The following SLCO1B1 variants were observed in gnomAD, a reference collection of about 807,000 sequenced individuals.
The protein encoded by SLCO1B1 is OATP-2.
In SLCO1B1, 81 loss-of-function variants were observed where a neutral mutation model predicts 70.1. The observed-to-expected ratio is 1.16, with a 90% confidence interval of 0.97 to 1.39. The LOEUF (loss-of-function observed/expected upper bound fraction) is 1.39. Among genes scored for constraint, SLCO1B1 ranks in the 40% most tolerant of loss-of-function variants. The pLI is 0.00. For synonymous variants in SLCO1B1, 283 were observed against 271.5 expected (o/e 1.04, Z -0.42); for missense variants, 895 against 799.6 (o/e 1.12, Z -1.44).
chr12:21,208,626 G>T (rs2086271), intron 11 of SLCO1B1, among the ~76,000 whole-genome samples: 149,649 of 152,222 alleles, frequency 0.98, 73,613 homozygotes, highest in East Asian at 1. Context: ...TTTTTCCTAT[G>T]GAATTTTACA....
At chr12:21,226,735 T>C (rs1297884124) in intron 14 of SLCO1B1, among the ~76,000 whole-genome samples, 1 of 149,208 alleles carries the variant, frequency 6.7e-6, no homozygotes, top group Non-Finnish European at 1.5e-5. Context: ...TAATAATGCA[T>C]TCATATTGGT....
chr12:21,147,071 C>A (rs1940396604), intron 2 of SLCO1B1, among the ~76,000 whole-genome samples: 2 of 152,164 alleles, frequency 1.3e-5, no homozygotes, highest in Non-Finnish European at 2.9e-5. Context: ...TTTCTACTGG[C>A]TTTTACTTCA....
chr12:21,140,012 T>A (rs1940284886), intron 1 of SLCO1B1, among the ~76,000 whole-genome samples: 2 of 152,106 alleles, frequency 1.3e-5, no homozygotes, highest in African/African-American at 4.8e-5. Flanking sequence ...TCAATGTTAA[T>A]GAATCAATAG....
chr12:21,192,143 GTTCTC>G (rs1200904450), intron 7 of SLCO1B1, among the ~76,000 whole-genome samples: 3 of 151,896 alleles, frequency 2.0e-5, no homozygotes, highest in Non-Finnish European at 4.4e-5. Context: ...GTTTGAAGAT[GTTCTC>G]TTCTCTTCAA....
chr12:21,205,800 C>A, intron 10 of SLCO1B1, 68 bp from the exon 11 acceptor site: 3 of 1,163,292 alleles, frequency 2.6e-6, no homozygotes, highest in Non-Finnish European at 3.8e-6. Context: ...CTTCTTCCTT[C>A]TCCTCCCCTT....
chr12:21,181,842 T>C (rs925427654), intron 7 of SLCO1B1, among the ~76,000 whole-genome samples: 9 of 152,080 alleles, frequency 5.9e-5, no homozygotes, highest in Middle Eastern at 3.2e-3. Context: ...ATAGATGAAT[T>C]GCATAGTGTA....
chr12:21,135,351 C>T (rs1034561605), intron 1 of SLCO1B1, among the ~76,000 whole-genome samples: 11 of 152,112 alleles, frequency 7.2e-5, no homozygotes, highest in South Asian at 2.1e-4. Flanking sequence ...CTATTAGGTC[C>T]GCTTGGTGCA....
At chr12:21,137,936 G>A (rs1206193931) in intron 1 of SLCO1B1, among the ~76,000 whole-genome samples, 1 of 152,180 alleles carries the variant, frequency 6.6e-6, no homozygotes, top group African/African-American at 2.4e-5. Flanking sequence ...TGCTCATGCT[G>A]GGAGCTGTAG....
At chr12:21,169,462 A>G (rs1245083991) in intron 2 of SLCO1B1, among the ~76,000 whole-genome samples, 1 of 151,594 alleles carries the variant, frequency 6.6e-6, no homozygotes, top group Non-Finnish European at 1.5e-5. Context: ...TCTGTCTTTG[A>G]TTTTCCTGAT....
Position 21,172,765 on chromosome 12 carries a change from G to A in SLCO1B1, c.200G>A (p.Gly67Asp). 4 of 1,613,290 alleles carry A rather than the reference G, an allele frequency of 2.5e-6. No individual in the cohort carries two copies. Among genetic ancestry groups the A allele is most frequent in the Non-Finnish European group, 3.4e-6 (4 of 1,179,710 alleles). The change falls in exon 3 of 15, where the codon GGT becomes GAT. Residue 67 changes from glycine to aspartate, a missense_variant. Gly to Asp is a moderately conservative substitution (Grantham distance 94). Transcript: ENST00000256958. Reference sequence around the variant, plus strand: ...TTTGAGATATCCTCTTCTCTTGTTGGTTTTATTGACGGAAGCTTTGAAATT... The same window carrying A: ...TTTGAGATATCCTCTTCTCTTGTTGATTTTATTGACGGAAGCTTTGAAATT... ...RRFEISSSLV[G>D]FIDGSFEIGN...
intron 2 of SLCO1B1, among the ~76,000 whole-genome samples, chr12:21,152,181 C>T (rs1940479458): frequency 6.6e-6 from 1 of 151,792 alleles, no homozygotes; most frequent in Non-Finnish European, 1.5e-5. Context: ...ATGTGTTTAC[C>T]AAAGGCATTC....
chr12:21,236,590 T>C (rs953304269), intron 14 of SLCO1B1, among the ~76,000 whole-genome samples: 1 of 152,154 alleles, frequency 6.6e-6, no homozygotes, highest in Non-Finnish European at 1.5e-5. Context: ...AATTTGGTGG[T>C]CAGCAGATTA....
At chr12:21,141,430 A>G in intron 1 of SLCO1B1, 84 bp from the exon 2 acceptor site, 1 of 546,992 alleles carries the variant, frequency 1.8e-6, no homozygotes, top group Non-Finnish European at 3.4e-6. Flanking sequence ...TGGTTGATTG[A>G]TTGATGATGA....
intron 7 of SLCO1B1, among the ~76,000 whole-genome samples, chr12:21,189,702 C>T (rs913160238): frequency 6.6e-6 from 1 of 152,212 alleles, no homozygotes; most frequent in South Asian, 2.1e-4. Context: ...TTTGTCTTGG[C>T]CTCCCAAAGT....
At chr12:21,213,189 G>T (rs1339297777) in intron 11 of SLCO1B1, among the ~76,000 whole-genome samples, 2 of 152,034 alleles carry the variant, frequency 1.3e-5, no homozygotes, top group Admixed American at 6.5e-5. Context: ...CCATGATTTT[G>T]CAGTGGCTGG....
At chr12:21,133,739 T>C (rs575157655) in intron 1 of SLCO1B1, among the ~76,000 whole-genome samples, 3 of 152,254 alleles carry the variant, frequency 2.0e-5, no homozygotes, top group South Asian at 2.1e-4. Flanking sequence ...TGGGCTGAGA[T>C]GATGGGGTTT....
intron 1 of SLCO1B1, among the ~76,000 whole-genome samples, chr12:21,133,677 G>A (rs1591792831): frequency 6.6e-6 from 1 of 152,232 alleles, no homozygotes; most frequent in African/African-American, 2.4e-5. Context: ...TTTATACATT[G>A]ATTTTGTATT....
chr12:21,138,564 G>A (rs1940261333), intron 1 of SLCO1B1, among the ~76,000 whole-genome samples: 1 of 152,138 alleles, frequency 6.6e-6, no homozygotes, highest in South Asian at 2.1e-4. Context: ...GAGGAACAAA[G>A]TGTCCACCTT....
intron 14 of SLCO1B1, among the ~76,000 whole-genome samples, chr12:21,231,199 A>G (rs1267204253): frequency 1.3e-5 from 2 of 152,024 alleles, no homozygotes; most frequent in African/African-American, 4.8e-5. Flanking sequence ...TATATGTGCT[A>G]CATTTTCTTA....
Sources: allele counts gnomAD v4.1 joint callset (sites outside exome capture counted in the v4.1 genomes callset), GRCh38; gene constraint gnomAD v4.1.1; transcripts MANE v1.5; gene names NCBI Gene and HGNC (gene_info 2026-07-23, HGNC 2026-07-21).